The following SPAG9 variants were observed in gnomAD, a reference collection of about 807,000 sequenced individuals.
SPAG9 encodes the protein sperm associated antigen 9.
In SPAG9, 35 loss-of-function variants were observed where a neutral mutation model predicts 166.5. That is an observed-to-expected ratio of 0.21 (90% confidence interval 0.16 to 0.28). The LOEUF is 0.28. SPAG9 is among the 10% of genes least tolerant of loss of function. The pLI is 1.00. For missense variants in SPAG9, 1,235 were observed against 1,603.3 expected (o/e 0.77, Z 3.92); for synonymous variants, 534 against 565.5 (o/e 0.94, Z 0.79).
intron 1 of SPAG9, among the ~76,000 whole-genome samples, chr17:51,082,077 T>C (rs2048179550): frequency 6.6e-6 from 1 of 152,024 alleles, no homozygotes; most frequent in Non-Finnish European, 1.5e-5. Flanking sequence ...GGCCAACCTA[T>C]TTAAAACTGT....
chr17:50,976,986 A>G, intron 27 of SPAG9, 122 bp downstream of exon 27: 1 of 634,468 alleles, frequency 1.6e-6, no homozygotes, highest in Admixed American at 2.9e-5. Flanking sequence ...TGAGTGAAGT[A>G]ACTATAGCTA....
At chr17:50,980,201 ATTTC>A (rs1455061408) in intron 25 of SPAG9, among the ~76,000 whole-genome samples, 2 of 151,802 alleles carry the variant, frequency 1.3e-5, no homozygotes, top group Non-Finnish European at 2.9e-5. Context: ...GATTTTTTTT[ATTTC>A]TTTATTTTTT....
rs964036635 is a variant in SPAG9, at chr17:50,964,091, G to A, written c.*2181C>T. On this transcript the variant is annotated 3_prime_UTR_variant, in exon 30 of 30. Transcript: ENST00000262013. ...ATGTACTTCACAATCTAGCCTAATC[G>A]TGTATATGCATAAAAGCCACTGGTA... is the stretch of plus-strand genomic sequence containing the variant. 6 of 151,950 alleles carry A rather than the reference G, an allele frequency of 3.9e-5. No homozygotes were observed. The highest frequency in any genetic ancestry group is 1.5e-4 in the African/African-American group (6 of 41,332). The allele number at this position is 151,950 out of a possible 1,614,324, so 9.4% of individuals were successfully genotyped here. A position where few individuals can be genotyped will look rare whatever the true frequency, so the allele number is the denominator to read the frequency against.
chr17:50,999,425 A>G (rs1160124090), intron 14 of SPAG9: 4 of 1,434,292 alleles, frequency 2.8e-6, no homozygotes, highest in Non-Finnish European at 3.7e-6. Context: ...TGCACAGTCA[A>G]CATGATGCAG....
intron 8 of SPAG9, among the ~76,000 whole-genome samples, chr17:51,019,570 A>T (rs2045850004): frequency 6.8e-6 from 1 of 146,378 alleles, no homozygotes; most frequent in Admixed American, 6.8e-5. Flanking sequence ...AAAATAAACA[A>T]GGCTGGGCGC....
chr17:51,086,739 T>C (rs1352880618), intron 1 of SPAG9, among the ~76,000 whole-genome samples: 3 of 151,904 alleles, frequency 2.0e-5, no homozygotes, highest in Non-Finnish European at 4.4e-5. Flanking sequence ...CTAGCCAAGA[T>C]GGTGAAACTC....
At chr17:50,985,644 G>T (rs1974995198) in intron 23 of SPAG9, 54 bp downstream of exon 23, 1 of 1,018,220 alleles carries the variant, frequency 9.8e-7, no homozygotes, top group African/African-American at 1.6e-5. Context: ...TTAAAATCTA[G>T]TTTATACCAA....
At chr17:50,988,140 T>C (rs1284903960) in intron 21 of SPAG9, among the ~76,000 whole-genome samples, 2 of 151,974 alleles carry the variant, frequency 1.3e-5, no homozygotes, top group Non-Finnish European at 2.9e-5. Context: ...CGCTTGAACC[T>C]GGAAGGCGGA....
intron 1 of SPAG9, among the ~76,000 whole-genome samples, chr17:51,087,849 C>A (rs1315639032): frequency 1.3e-5 from 2 of 152,222 alleles, no homozygotes; most frequent in East Asian, 3.8e-4. Flanking sequence ...GATCCTCCCA[C>A]CTCAGCCTTC....
At chr17:51,112,671 C>CA (rs1206604151) in intron 1 of SPAG9, among the ~76,000 whole-genome samples, 11,493 of 41,376 alleles carry the variant, frequency 0.28, 2,524 homozygotes, top group Non-Finnish European at 0.49. Context: ...TCTGTCTCAA[C>CA]AAAAAAAAAA....
At chr17:51,076,923 C>G (rs566831316) in intron 2 of SPAG9, among the ~76,000 whole-genome samples, 1 of 151,862 alleles carries the variant, frequency 6.6e-6, no homozygotes, top group Non-Finnish European at 1.5e-5. Context: ...CACTTTGAAG[C>G]CCAGAAGTGC....
chr17:50,989,634 T>C, intron 21 of SPAG9, 43 bp downstream of exon 21: 5 of 1,508,972 alleles, frequency 3.3e-6, no homozygotes, highest in Non-Finnish European at 3.7e-6. Context: ...CTTTTATTTG[T>C]GCACTTCACC....
At chr17:50,991,366 T>C (rs1464995837) in intron 19 of SPAG9, among the ~76,000 whole-genome samples, 2 of 152,086 alleles carry the variant, frequency 1.3e-5, no homozygotes, top group African/African-American at 2.4e-5. Context: ...GCCCCAAGTA[T>C]ATAGGTTGAT....
chr17:51,086,559 A>C (rs2048312557), intron 1 of SPAG9, among the ~76,000 whole-genome samples: 1 of 152,048 alleles, frequency 6.6e-6, no homozygotes, highest in East Asian at 1.9e-4. Context: ...AGGCTGAGGC[A>C]CAAGAATCGC....
At chr17:51,051,577 G>C (rs546272449) in intron 3 of SPAG9, among the ~76,000 whole-genome samples, 2 of 152,124 alleles carry the variant, frequency 1.3e-5, no homozygotes, top group Non-Finnish European at 2.9e-5. Flanking sequence ...AAAAGTAGCC[G>C]AGCGTGGTGG....
intron 12 of SPAG9, among the ~76,000 whole-genome samples, chr17:51,004,148 TATG>T (rs1163181197): frequency 6.6e-6 from 1 of 152,222 alleles, no homozygotes; most frequent in African/African-American, 2.4e-5. Context: ...ACATATGTGA[TATG>T]ATAAAATTTT....
chr17:50,979,861 C>T lies in SPAG9; in HGVS notation c.3294G>A (p.Val1098=), dbSNP rs1295199621. 4 of 1,614,188 alleles carry T rather than the reference C, an allele frequency of 2.5e-6. No individual in the cohort carries two copies. Among genetic ancestry groups the T allele is most frequent in the East Asian group, 2.2e-5 (1 of 44,886 alleles). ...KESQVRQLAW[V]GDGVWVSIRL... ...GAATGGAGACCCACACGCCATCCCC[C>T]ACCCACGCAAGCTGTCGCACTTGGC... Residue 1098 remains valine (V), a synonymous_variant, in exon 26 of 30, where the codon GTG becomes GTA. Coordinates refer to ENST00000262013, the MANE Select transcript of SPAG9 (RefSeq NM_001130528.3).
intron 2 of SPAG9, among the ~76,000 whole-genome samples, chr17:51,066,567 G>GAAAAAAAA (rs71149340): frequency 0.29 from 32,008 of 109,994 alleles, 6,421 homozygotes; most frequent in Non-Finnish European, 0.38. Flanking sequence ...AAAAAAAAAA[G>GAAAAAAAA]AAAAAAAAAA....
intron 4 of SPAG9, among the ~76,000 whole-genome samples, chr17:51,044,452 G>C (rs1241598294): frequency 6.6e-6 from 1 of 152,098 alleles, no homozygotes; most frequent in African/African-American, 2.4e-5. Flanking sequence ...ATCCATTTTT[G>C]AGTTGGTTAT....
Sources: allele counts gnomAD v4.1 joint callset (sites outside exome capture counted in the v4.1 genomes callset), GRCh38; gene constraint gnomAD v4.1.1; transcripts MANE v1.5; gene names NCBI Gene and HGNC (gene_info 2026-07-23, HGNC 2026-07-21).